Variants in SLC20A2 observed in about 807,000 individuals in gnomAD.
The protein encoded by SLC20A2 is solute carrier family 20 member 2.
In SLC20A2, 30 loss-of-function variants were observed where a neutral mutation model predicts 61.0. The ratio of observed to expected loss-of-function variants is 0.49; its 90% CI spans 0.37 to 0.67. The LOEUF (loss-of-function observed/expected upper bound fraction) is 0.67, where lower values mean the gene tolerates loss of function less well. Ranked by LOEUF, SLC20A2 falls within the 30% of genes least tolerant of loss-of-function variation. SLC20A2 has a pLI of 0.00. For synonymous variants in SLC20A2, 351 were observed against 353.3 expected (o/e 0.99, Z 0.07); for missense variants, 626 against 866.4 (o/e 0.72, Z 3.48).
intron 10 of SLC20A2, among the ~76,000 whole-genome samples, chr8:42,420,992 C>T (rs1469051725): frequency 2.0e-5 from 3 of 152,124 alleles, no homozygotes; most frequent in Non-Finnish European, 2.9e-5. Flanking sequence ...ATTTATTTCA[C>T]CAAAATGTAT....
intron 5 of SLC20A2, among the ~76,000 whole-genome samples, chr8:42,449,860 T>C (rs1360974820): frequency 6.6e-6 from 1 of 152,246 alleles, no homozygotes; most frequent in Non-Finnish European, 1.5e-5. Context: ...TTTATTTTTC[T>C]TTTTTCCTTT....
Position 42,437,054 on chromosome 8 carries a change from CAGG to C in SLC20A2, c.1455_1457del (p.Leu486del). 2 of 1,614,096 alleles carry C rather than the reference CAGG, an allele frequency of 1.2e-6. No homozygotes were observed. The highest frequency in any genetic ancestry group is 1.7e-6 in the Non-Finnish European group (2 of 1,180,012). On this transcript the variant is annotated inframe_deletion, in exon 8 of 11. Coordinates refer to ENST00000520262, the MANE Select transcript of SLC20A2 (RefSeq NM_001257180.2). The surrounding 1 kb of genome is among the most constrained non-coding windows in gnomAD (Gnocchi z 6.4). Reference sequence around the variant, plus strand: ...CGGTGAGGACCTGCAGGAAATGGAACAGGAGGTGAACCTCGGGTGCGTCCTTCT... The same window carrying C: ...CGGTGAGGACCTGCAGGAAATGGAACAGGTGAACCTCGGGTGCGTCCTTCT...
intron 5 of SLC20A2, among the ~76,000 whole-genome samples, chr8:42,455,255 T>TAGAGAGAG (rs748099834): frequency 8.2e-5 from 8 of 97,044 alleles, no homozygotes; most frequent in Admixed American, 4.4e-4. Context: ...TATATATATA[T>TAGAGAGAG]ATAGAGAGAG....
rs1327446804 is a variant in SLC20A2, at chr8:42,522,904, CGG to C, written c.-265+18915_-265+18916del. On this transcript the variant is annotated intron_variant, in intron 1 of 10. Transcript: ENST00000342228. ...AAAAAAAAAAAATCTGTAGAGATGG[CGG>C]GGTGGGGGGGGTCTCTCTGTGTTGC... is the stretch of plus-strand genomic sequence containing the variant. Among the ~76,000 whole-genome samples the C allele has an allele frequency of 2.7e-4, 23 of 86,636 alleles. 1 individual carries two copies. The highest frequency in any genetic ancestry group is 6.0e-4 in the African/African-American group (12 of 20,016). 56.8% of individuals were successfully genotyped at this position (86,636 alleles called of 152,430 possible).
At chr8:42,456,517 G>A (rs530397941) in intron 5 of SLC20A2, among the ~76,000 whole-genome samples, 4 of 152,100 alleles carry the variant, frequency 2.6e-5, no homozygotes, top group Non-Finnish European at 5.9e-5. Flanking sequence ...CGGATCACGA[G>A]GTCAGGAGTT....
rs1253260874 is a variant in SLC20A2 at position 42,533,654 on chromosome 8, C to CTTTTTTTCTTTTTTTTTT, written c.-265+8166_-265+8167insAAAAAAAAAAGAAAAAAA. On this transcript the variant is annotated intron_variant, in intron 1 of 10. Coordinates refer to the SLC20A2 transcript ENST00000342228. ...TTAATGGCCTTAATGATCAACTGTT[C>CTTTTTTTCTTTTTTTTTT]TTTTTTTTTTTTTTTTTTTTTTGAG... Among the ~76,000 whole-genome samples the CTTTTTTTCTTTTTTTTTT allele has an allele frequency of 5.6e-4, 31 of 55,286 alleles. 3 individuals carry two copies. The highest frequency in any genetic ancestry group is 1.5e-3 in the African/African-American group (18 of 12,380). 36.3% of individuals were successfully genotyped at this position (55,286 alleles called of 152,430 possible).
intron 6 of SLC20A2, among the ~76,000 whole-genome samples, chr8:42,443,479 G>C (rs1397845769): frequency 1.3e-5 from 2 of 151,178 alleles, no homozygotes; most frequent in African/African-American, 2.4e-5. Flanking sequence ...CCAGGGCCCA[G>C]CTAATTTTTG....
chr8:42,476,140 A>AGGCTGG (rs889445140), intron 1 of SLC20A2, among the ~76,000 whole-genome samples: 3 of 117,216 alleles, frequency 2.6e-5, no homozygotes, highest in African/African-American at 9.8e-5. Flanking sequence ...TCTGTCGCCC[A>AGGCTGG]GGCTGGAGTG....
intron 1 of SLC20A2, among the ~76,000 whole-genome samples, chr8:42,526,366 AAAG>A (rs371139647): frequency 1.2e-4 from 18 of 152,188 alleles, no homozygotes; most frequent in African/African-American, 3.4e-4. Flanking sequence ...AAAAAAAAAA[AAAG>A]AAGTCTTAGA....
intron 1 of SLC20A2, among the ~76,000 whole-genome samples, chr8:42,512,332 TA>T (rs1289901862): frequency 7.6e-5 from 11 of 144,336 alleles, no homozygotes; most frequent in African/African-American, 1.0e-4. Context: ...CTTTACGGCT[TA>T]AAAAAAAAAA....
chr8:42,445,740 GAAAT>G (rs994379373), intron 5 of SLC20A2, among the ~76,000 whole-genome samples: 1 of 151,870 alleles, frequency 6.6e-6, no homozygotes, highest in Non-Finnish European at 1.5e-5. Flanking sequence ...AAAAGAAAAA[GAAAT>G]AAAGAAAAAA....
intron 1 of SLC20A2, among the ~76,000 whole-genome samples, chr8:42,509,440 AGAT>A (rs1224412077): frequency 2.1e-4 from 32 of 152,170 alleles, no homozygotes; most frequent in Non-Finnish European, 1.5e-5. Context: ...TGCTGATACA[AGAT>A]GCTAGGCTTA....
intron 1 of SLC20A2, among the ~76,000 whole-genome samples, chr8:42,515,301 TGGCA>T (rs1304561660): frequency 6.6e-6 from 1 of 152,120 alleles, no homozygotes; most frequent in African/African-American, 2.4e-5. Flanking sequence ...CAGGAGAGTA[TGGCA>T]GGAGTAGGTT....
chr8:42,533,158 T>G (rs2923428), intron 1 of SLC20A2, among the ~76,000 whole-genome samples: 1 of 152,018 alleles, frequency 6.6e-6, no homozygotes, highest in Non-Finnish European at 1.5e-5. Context: ...TTATATTTCT[T>G]CCTGCTGGTT....
chr8:42,453,498 A>G (rs1805903103), intron 5 of SLC20A2, among the ~76,000 whole-genome samples: 2 of 152,312 alleles, frequency 1.3e-5, no homozygotes, highest in South Asian at 4.1e-4. Context: ...AATCAAAACA[A>G]AACACCAAAA....
At chr8:42,530,865 G>C (rs1001686775) in intron 1 of SLC20A2, among the ~76,000 whole-genome samples, 1 of 152,048 alleles carries the variant, frequency 6.6e-6, no homozygotes, top group African/African-American at 2.4e-5. Flanking sequence ...ACAGATGCCC[G>C]CCACCACGCC....
At chr8:42,450,994 C>T (rs1339538517) in intron 5 of SLC20A2, among the ~76,000 whole-genome samples, 1 of 152,230 alleles carries the variant, frequency 6.6e-6, no homozygotes, top group Non-Finnish European at 1.5e-5. Flanking sequence ...CTGGCTTCTC[C>T]ACAGCCTGCA....
At chr8:42,491,915 CAGTT>C (rs1429386614) in intron 1 of SLC20A2, among the ~76,000 whole-genome samples, 7 of 152,182 alleles carry the variant, frequency 4.6e-5, no homozygotes, top group Non-Finnish European at 1.0e-4. Flanking sequence ...GGACTTAACT[CAGTT>C]AGAACTACTT....
At chr8:42,479,846 G>A (rs1407287950) in intron 1 of SLC20A2, among the ~76,000 whole-genome samples, 2 of 151,952 alleles carry the variant, frequency 1.3e-5, no homozygotes, top group Admixed American at 1.3e-4. Flanking sequence ...AAAAGAAAAT[G>A]GTTCTTGTCA....
Sources: allele counts gnomAD v4.1 joint callset (sites outside exome capture counted in the v4.1 genomes callset), GRCh38; gene constraint gnomAD v4.1.1; non-coding constraint Gnocchi (gnomAD v3.1); transcripts MANE v1.5; gene names NCBI Gene and HGNC (gene_info 2026-07-23, HGNC 2026-07-21).